The following EPYC variants were observed in gnomAD, a reference collection of about 807,000 sequenced individuals.
EPYC encodes the protein epiphycan.
A neutral mutation model predicts 30.1 loss-of-function variants in EPYC; 28 were observed. That is an observed-to-expected ratio of 0.93 (90% CI 0.69 to 1.28). EPYC has a LOEUF of 1.28. Ranked by LOEUF, EPYC falls within the 50% of genes most tolerant of loss-of-function variation. The pLI, the probability that EPYC is intolerant of heterozygous loss-of-function variation, is 0.00. For synonymous variants in EPYC, 144 were observed against 141.4 expected, an observed-to-expected ratio of 1.02 and a Z score of -0.13; for missense variants, 382 against 383.5, an observed-to-expected ratio of 1.00 and a Z score of 0.03.
In EPYC at chr12:91,002,394, C is replaced by G; in HGVS notation, c.165+7G>C. The G allele has an allele frequency of 6.2e-7, 1 of 1,608,976 alleles. No individual in the cohort carries two copies. ...TTTAAAGTTTCAAGAGTAGGAGGAT[C>G]GATTACCTCAACTTTATCAACAGGT... On this transcript the variant is annotated splice_region_variant and intron_variant, in intron 2 of 6. Coordinates refer to ENST00000261172, the MANE Select transcript of EPYC (RefSeq NM_004950.5).
intron 2 of EPYC, among the ~76,000 whole-genome samples, chr12:90,997,949 A>G (rs1421458905): frequency 6.6e-6 from 1 of 152,074 alleles, no homozygotes; most frequent in Non-Finnish European, 1.5e-5. Flanking sequence ...ATGGGGGCAG[A>G]ATAATAGTCT....
intron 2 of EPYC, among the ~76,000 whole-genome samples, chr12:90,991,223 T>C (rs1291637298): frequency 6.6e-6 from 1 of 152,174 alleles, no homozygotes; most frequent in Non-Finnish European, 1.5e-5. Flanking sequence ...TGCCTATATG[T>C]GTACACATTA....
intron 2 of EPYC, among the ~76,000 whole-genome samples, chr12:90,987,214 A>G (rs1266467532): frequency 6.6e-6 from 1 of 152,078 alleles, no homozygotes; most frequent in Non-Finnish European, 1.5e-5. Context: ...CATAAACCAC[A>G]ATAACATCTC....
chr12:90,985,447 G>A (rs1260435056), intron 2 of EPYC, among the ~76,000 whole-genome samples: 1 of 152,016 alleles, frequency 6.6e-6, no homozygotes, highest in African/African-American at 2.4e-5. Context: ...ACAAAATCTG[G>A]AGGCATTATT....
At chr12:90,967,581 G>C (rs1876929638) in intron 6 of EPYC, among the ~76,000 whole-genome samples, 1 of 152,126 alleles carries the variant, frequency 6.6e-6, no homozygotes, top group Non-Finnish European at 1.5e-5. Flanking sequence ...AAATTGTTGG[G>C]TGGAATGTTC....
chr12:91,002,318 C>T (rs1451628956), intron 2 of EPYC, 83 bp downstream of exon 2: 2 of 1,214,344 alleles, frequency 1.6e-6, no homozygotes, highest in African/African-American at 1.5e-5. Flanking sequence ...TAAAAAAACC[C>T]AAACATCTAT....
At chr12:90,979,840 C>A (rs1877282493) in intron 2 of EPYC, among the ~76,000 whole-genome samples, 1 of 152,084 alleles carries the variant, frequency 6.6e-6, no homozygotes, top group Non-Finnish European at 1.5e-5. Flanking sequence ...CAAAATATAT[C>A]TAAGTCACAG....
chr12:90,984,866 A>G (rs1404015188), intron 2 of EPYC, among the ~76,000 whole-genome samples: 1 of 152,052 alleles, frequency 6.6e-6, no homozygotes, highest in Non-Finnish European at 1.5e-5. Flanking sequence ...ATTTGGCCCA[A>G]CCCAGGTACA....
chr12:90,988,650 TA>T (rs1877509025), intron 2 of EPYC, among the ~76,000 whole-genome samples: 1 of 152,122 alleles, frequency 6.6e-6, no homozygotes, highest in Non-Finnish European at 1.5e-5. Flanking sequence ...AAATGGATAA[TA>T]AGGCAAAAGT....
chr12:90,980,935 A>T (rs546400183), intron 2 of EPYC, among the ~76,000 whole-genome samples: 1 of 152,284 alleles, frequency 6.6e-6, no homozygotes, highest in East Asian at 1.9e-4. Flanking sequence ...TTTCAGTCAA[A>T]GTCACTGCAC....
At chr12:90,995,994 C>T (rs969052721) in intron 2 of EPYC, among the ~76,000 whole-genome samples, 2 of 151,858 alleles carry the variant, frequency 1.3e-5, no homozygotes, top group Non-Finnish European at 2.9e-5. Context: ...CTTCTTCCAA[C>T]ATAAAGTGTT....
chr12:90,971,972 T>G lies in EPYC; in HGVS notation c.530A>C (p.Asn177Thr). 1.9e-6 allele frequency: 3 copies of G among 1,603,258 alleles called. No individual in the cohort carries two copies. The highest frequency in any genetic ancestry group is 2.6e-6 in the Non-Finnish European group (3 of 1,173,842). ...ATCTTCATCAATCTCAGATATTAAA[T>G]TTGATGTCAGATCAATCCTTTTTAA... ...SDLKRIDLTSNLISEIDEDAF... is the reference protein window; with the variant it reads ...SDLKRIDLTSTLISEIDEDAF... The change falls in exon 5 of 7, where the codon AAT becomes ACT. Residue 177 changes from asparagine to threonine, a missense_variant. Physicochemically the swap from Asn to Thr is moderately conservative, Grantham distance 65. Transcript: ENST00000261172.
chr12:90,996,346 A>G (rs1877692686), intron 2 of EPYC, among the ~76,000 whole-genome samples: 1 of 151,950 alleles, frequency 6.6e-6, no homozygotes, highest in African/African-American at 2.4e-5. Flanking sequence ...CAGAGCATCA[A>G]CATATATTCT....
In EPYC at chr12:90,984,667, C is replaced by T. The variant is rs567643362; in HGVS notation, c.166-6405G>A. 1.0e-3 allele frequency among the ~76,000 whole-genome samples: 158 copies of T among 152,264 alleles called. 1 individual carries two copies. The highest frequency in any genetic ancestry group is 0.01 in the Middle Eastern group (3 of 294). On this transcript the variant is annotated intron_variant, in intron 2 of 6. Coordinates refer to ENST00000261172, the MANE Select transcript of EPYC (RefSeq NM_004950.5). ...AGAATCCACAACTATGCAAAGCTTG[C>T]AATTTACATCTCACAGGAGGACCTC...
chr12:91,004,022 T>A (rs1264845456), intron 1 of EPYC, among the ~76,000 whole-genome samples: 2 of 152,070 alleles, frequency 1.3e-5, no homozygotes, highest in Non-Finnish European at 2.9e-5. Flanking sequence ...TTTGCAGAAG[T>A]CTTTGCAGGA....
At chr12:90,965,961 A>C (rs1204062544) in intron 6 of EPYC, among the ~76,000 whole-genome samples, 5 of 151,822 alleles carry the variant, frequency 3.3e-5, no homozygotes, top group African/African-American at 1.2e-4. Context: ...CATACAATTG[A>C]TATTTGTATA....
intron 6 of EPYC, among the ~76,000 whole-genome samples, chr12:90,968,634 A>G (rs1412983872): frequency 2.0e-5 from 3 of 152,198 alleles, no homozygotes; most frequent in Non-Finnish European, 4.4e-5. Context: ...CAAAGCTTAG[A>G]ATGGGAATGT....
Position 90,999,190 on chromosome 12 carries a change from C to T in EPYC, c.165+3211G>A, listed in dbSNP as rs192371155. 2.0e-5 allele frequency among the ~76,000 whole-genome samples: 3 copies of T among 152,044 alleles called. No homozygotes were observed. In the East Asian group the frequency reaches 5.8e-4, roughly 30 times the overall value. The stretch of plus-strand genomic sequence containing the variant: ...TATAGAAGTGATATCCCCAAATACC[C>T]ATGATATTAAGGATTATAGAGGGCA... On this transcript the variant is annotated intron_variant, in intron 2 of 6. Transcript: ENST00000261172.
Position 90,977,849 on chromosome 12 carries a change from A to G in EPYC, c.340+239T>C, listed in dbSNP as rs374866475. On this transcript the variant is annotated intron_variant, in intron 3 of 6. Transcript: ENST00000261172. ...CCACCACCAGGTTTCGAGTAATGATACACAATATTTTCATCCCAAATCTTT... is the reference window on the plus strand; with the variant it reads ...CCACCACCAGGTTTCGAGTAATGATGCACAATATTTTCATCCCAAATCTTT... Among the ~76,000 whole-genome samples the G allele has an allele frequency of 7.9e-5, 12 of 152,186 alleles. No individual in the cohort carries two copies. In the East Asian group the frequency reaches 1.9e-3, roughly 24 times the overall value.
Sources: gnomAD v4.1 joint callset for allele counts (sites outside exome capture counted in the v4.1 genomes callset) on GRCh38, gnomAD v4.1.1 for gene constraint, MANE v1.5 for transcripts, NCBI Gene and HGNC (gene_info 2026-07-23, HGNC 2026-07-21) for gene names.